Variants in PTPN3 observed in about 807,000 individuals in gnomAD.
The protein encoded by PTPN3 is tyrosine-protein phosphatase non-receptor type 3.
In PTPN3, 96 loss-of-function variants were observed where a neutral mutation model predicts 132.7. The observed-to-expected ratio is 0.72, with a 90% CI of 0.61 to 0.86. The LOEUF is 0.86. Among genes scored for constraint, PTPN3 ranks in the 40% least tolerant of loss-of-function variants. PTPN3 has a pLI of 0.00. For synonymous variants in PTPN3, 398 were observed against 429.0 expected, an observed-to-expected ratio of 0.93 and a Z score of 0.89; for missense variants, 1,125 against 1,159.6, an observed-to-expected ratio of 0.97 and a Z score of 0.43.
intron 1 of PTPN3, among the ~76,000 whole-genome samples, chr9:109,465,649 C>T (rs1365172191): frequency 7.6e-6 from 1 of 130,910 alleles, no homozygotes; most frequent in Non-Finnish European, 1.5e-5. Context: ...GCGGAGGCTG[C>T]AGTGAGCTGA....
intron 19 of PTPN3, among the ~76,000 whole-genome samples, chr9:109,394,429 TA>T (rs1244171960): frequency 1.3e-5 from 2 of 151,964 alleles, no homozygotes; most frequent in Non-Finnish European, 2.9e-5. Flanking sequence ...AATCATATAT[TA>T]AAAAGTGTTA....
At chr9:109,462,770 C>T (rs1845908333) in intron 2 of PTPN3, among the ~76,000 whole-genome samples, 2 of 152,148 alleles carry the variant, frequency 1.3e-5, no homozygotes, top group Middle Eastern at 3.4e-3. Context: ...CTGATTGTTT[C>T]ACAACCCACT....
At chr9:109,484,558 G>C (rs1009867770) in intron 1 of PTPN3, among the ~76,000 whole-genome samples, 3 of 152,230 alleles carry the variant, frequency 2.0e-5, no homozygotes, top group Non-Finnish European at 2.9e-5. Flanking sequence ...AAAAGTTGTG[G>C]AGAACAAACA....
chr9:109,488,705 A>C lies in PTPN3; in HGVS notation c.-18+9514T>G, dbSNP rs1484022513. On this transcript the variant is annotated intron_variant, in intron 1 of 25. Coordinates refer to ENST00000374541, the MANE Select transcript of PTPN3 (RefSeq NM_002829.4). ...TTCTTCTAGGCAGAAAATAAGTTAA[A>C]GAACCAGACTGTATGGATCCCAGAG... 6.6e-5 allele frequency among the ~76,000 whole-genome samples: 10 copies of C among 152,334 alleles called. No homozygotes were observed. The East Asian group carries it at 1.9e-3, about 29-fold the overall frequency.
upstream of PTPN3, among the ~76,000 whole-genome samples, chr9:109,502,878 C>T (rs1847877843): frequency 6.6e-6 from 1 of 152,142 alleles, no homozygotes; most frequent in South Asian, 2.1e-4. Flanking sequence ...AATGCATACA[C>T]ATAGAACAAA....
At chr9:109,395,057 G>A (rs1406590562) in intron 19 of PTPN3, among the ~76,000 whole-genome samples, 1 of 151,534 alleles carries the variant, frequency 6.6e-6, no homozygotes, top group Non-Finnish European at 1.5e-5. Flanking sequence ...GGAGAATGGC[G>A]TGAACCAGGG....
In PTPN3 at chr9:109,391,472, A is replaced by C; in HGVS notation, c.2043T>G (p.Pro681=). 1 of 1,610,598 alleles carries C rather than the reference A, an allele frequency of 6.2e-7. No individual in the cohort carries two copies. The highest frequency in any genetic ancestry group is 8.5e-7 in the Non-Finnish European group (1 of 1,176,926). Residue 681 remains proline, a splice_region_variant and synonymous_variant, in exon 20 of 26, where the codon CCT becomes CCG. Coordinates refer to ENST00000374541, the MANE Select transcript of PTPN3 (RefSeq NM_002829.4). ...LDKNRYKDVL[P]YDTTRVLLQG... is the part of the protein sequence containing the mutation. ...GAGGCATTCATGCCGGATACTCACA[A>C]GGCAGCACATCTTTATATCGGTTTT...
the PTPN3 span, among the ~76,000 whole-genome samples, chr9:109,520,704 G>C: frequency 6.6e-6 from 1 of 152,166 alleles, no homozygotes; most frequent in African/African-American, 2.4e-5. Context: ...ACTGTCCGTG[G>C]CCTGGTTTGT....
intron 8 of PTPN3, 133 bp from the exon 9 acceptor site, chr9:109,437,103 A>T (rs931947950): frequency 7.1e-7 from 1 of 1,406,244 alleles, no homozygotes; most frequent in Non-Finnish European, 9.4e-7. Context: ...ATCTTCAGCA[A>T]TCTAATGCTA....
the PTPN3 span, among the ~76,000 whole-genome samples, chr9:109,524,447 T>G: frequency 2.6e-5 from 4 of 152,220 alleles, no homozygotes; most frequent in Middle Eastern, 3.2e-3. Flanking sequence ...ACTACTCATG[T>G]GAAATGCCTG....
chr9:109,507,433 C>T, the PTPN3 span, among the ~76,000 whole-genome samples: 2,522 of 152,300 alleles, frequency 0.017, 33 homozygotes, highest in Middle Eastern at 0.058. Context: ...CACTGTGCTC[C>T]GAATTCCTGG....
chr9:109,535,586 C>T, the PTPN3 span, among the ~76,000 whole-genome samples: 1 of 152,054 alleles, frequency 6.6e-6, no homozygotes, highest in Non-Finnish European at 1.5e-5. Context: ...CAGCTCATTG[C>T]AGTCTCCGCC....
At chr9:109,483,338 C>T (rs929759503) in intron 1 of PTPN3, among the ~76,000 whole-genome samples, 5 of 152,240 alleles carry the variant, frequency 3.3e-5, no homozygotes, top group African/African-American at 1.2e-4. Context: ...CTCTCCTACT[C>T]CCTTTTGATC....
the PTPN3 span, among the ~76,000 whole-genome samples, chr9:109,505,072 C>G: frequency 6.6e-6 from 1 of 152,030 alleles, no homozygotes; most frequent in Non-Finnish European, 1.5e-5. Flanking sequence ...CTCAGTAATC[C>G]CTAATAGAGG....
the PTPN3 span, among the ~76,000 whole-genome samples, chr9:109,535,332 C>T: frequency 6.2e-4 from 94 of 152,096 alleles, no homozygotes; most frequent in Non-Finnish European, 6.3e-4. Context: ...TTGTCAGCCT[C>T]CACTCAAAAA....
intron 14 of PTPN3, among the ~76,000 whole-genome samples, chr9:109,413,927 C>CCCG (rs1303425213): frequency 2.0e-5 from 3 of 152,150 alleles, no homozygotes; most frequent in Non-Finnish European, 4.4e-5. Context: ...ACCTCCCCGC[C>CCCG]CCGCCGCCTG....
At chr9:109,479,598 A>C (rs1382746594) in intron 1 of PTPN3, among the ~76,000 whole-genome samples, 1 of 152,152 alleles carries the variant, frequency 6.6e-6, no homozygotes, top group Non-Finnish European at 1.5e-5. Context: ...TTTTTTTGAG[A>C]CACAGTCTTC....
chr9:109,428,539 T>C, intron 11 of PTPN3, 82 bp downstream of exon 11: 1 of 1,444,236 alleles, frequency 6.9e-7, no homozygotes, highest in East Asian at 2.3e-5. Context: ...TGAGCTCAGT[T>C]TGGGCAACAT....
chr9:109,505,582 A>G, the PTPN3 span, among the ~76,000 whole-genome samples: 3 of 152,118 alleles, frequency 2.0e-5, no homozygotes, highest in Admixed American at 6.5e-5. Context: ...CCCAGCCTAT[A>G]AGAATCTTTT....
Sources: allele counts gnomAD v4.1 joint callset (sites outside exome capture counted in the v4.1 genomes callset), GRCh38; gene constraint gnomAD v4.1.1; transcripts MANE v1.5; gene names NCBI Gene and HGNC (gene_info 2026-07-23, HGNC 2026-07-21).